ARHGAP22: variants seen among roughly 807,000 people sequenced by gnomAD.
ARHGAP22 encodes the protein Rho GTPase activating protein 22.
ARHGAP22 carries 48 observed loss-of-function variants against 59.1 expected under a neutral mutation model. The ratio of observed to expected loss-of-function variants is 0.81; its 90% CI spans 0.64 to 1.03. The LOEUF is 1.03. Among genes scored for constraint, ARHGAP22 ranks in the 50% least tolerant of loss-of-function variants. The probability of loss-of-function intolerance (pLI) is 0.00; values close to 1 mark genes in which losing one functional copy is unlikely to be tolerated. For missense variants in ARHGAP22, 1,015 were observed against 958.7 expected, an observed-to-expected ratio of 1.06 and a Z score of -0.78; for synonymous variants, 445 against 416.4, an observed-to-expected ratio of 1.07 and a Z score of -0.84.
chr10:48,596,842 G>A (rs1405463323), intron 1 of ARHGAP22, among the ~76,000 whole-genome samples: 2 of 152,176 alleles, frequency 1.3e-5, no homozygotes, highest in Non-Finnish European at 2.9e-5. Flanking sequence ...TGATGTGGCT[G>A]TGATGTGGAG....
At chr10:48,478,518 C>G (rs1470147037) in intron 4 of ARHGAP22, among the ~76,000 whole-genome samples, 1 of 152,156 alleles carries the variant, frequency 6.6e-6, no homozygotes, top group Non-Finnish European at 1.5e-5. Context: ...AGTCCCTGCC[C>G]AGACTGTGTG....
intron 1 of ARHGAP22, among the ~76,000 whole-genome samples, chr10:48,642,352 A>C (rs1003213455): frequency 3.3e-5 from 5 of 152,250 alleles, no homozygotes; most frequent in Non-Finnish European, 2.9e-5. Flanking sequence ...ACAAGGCTAC[A>C]GTAACCAAAA....
At chr10:48,627,493 A>T (rs1169492328) in intron 1 of ARHGAP22, among the ~76,000 whole-genome samples, 4 of 152,194 alleles carry the variant, frequency 2.6e-5, no homozygotes, top group African/African-American at 9.6e-5. Flanking sequence ...GTGTCCAAGG[A>T]TGTCTGTACT....
At chr10:48,584,555 A>T (rs1468665330) in intron 1 of ARHGAP22, among the ~76,000 whole-genome samples, 1 of 152,078 alleles carries the variant, frequency 6.6e-6, no homozygotes, top group Non-Finnish European at 1.5e-5. Context: ...ACTGGAGGAG[A>T]TGATGTCTTA....
chr10:48,612,063 C>T (rs188314417), intron 1 of ARHGAP22, among the ~76,000 whole-genome samples: 18 of 151,342 alleles, frequency 1.2e-4, no homozygotes, highest in Admixed American at 2.0e-4. Flanking sequence ...CCTCATGATC[C>T]GCCTGCCTTG....
chr10:48,450,763 A>G lies in ARHGAP22; in HGVS notation c.1366T>C (p.Ser456Pro). ...GSSLEVPIIS[S>P]GGNWLMNGLS... is the part of the protein sequence containing the mutation. ...CCGTTCATAAGCCAGTTCCCGCCGG[A>G]GGAGATGATGGGCACCTCCAGGGAT... The change falls in exon 9 of 10, where the codon TCC becomes CCC. Residue 456 changes from serine to proline, a missense_variant. Ser to Pro is a moderately conservative substitution (Grantham distance 74). Transcript: ENST00000249601. 1 of 1,563,988 alleles carries G rather than the reference A, an allele frequency of 6.4e-7. No homozygotes were observed. The highest frequency in any genetic ancestry group is 8.7e-7 in the Non-Finnish European group (1 of 1,154,414).
At chr10:48,491,158 T>C (rs2050351935) in intron 3 of ARHGAP22, among the ~76,000 whole-genome samples, 1 of 152,166 alleles carries the variant, frequency 6.6e-6, no homozygotes. Context: ...AGGCCCCTCT[T>C]GGCAAAGGCC....
chr10:48,477,896 C>T (rs182889224), intron 4 of ARHGAP22, among the ~76,000 whole-genome samples: 128 of 152,304 alleles, frequency 8.4e-4, no homozygotes, highest in East Asian at 1.9e-3. Context: ...GTGTTGCAAA[C>T]GCCTTCACCC....
chr10:48,435,167 A>T, the ARHGAP22 span: 7 of 599,232 alleles, frequency 1.2e-5, no homozygotes, highest in Non-Finnish European at 1.8e-5. Context: ...AAAGTAGTTT[A>T]TTTTTTTTAA....
At chr10:48,434,815 A>T in the ARHGAP22 span, 3 of 1,364,738 alleles carry the variant, frequency 2.2e-6, no homozygotes, top group African/African-American at 4.4e-5. Flanking sequence ...GGAGGCAGTC[A>T]GTGCAGTGCA....
chr10:48,569,386 C>A (rs900382091), intron 2 of ARHGAP22, among the ~76,000 whole-genome samples: 21 of 152,222 alleles, frequency 1.4e-4, no homozygotes, highest in African/African-American at 4.8e-4. Flanking sequence ...CCCTTCCAAA[C>A]CACCTCCATT....
intron 3 of ARHGAP22, among the ~76,000 whole-genome samples, chr10:48,537,672 G>T (rs4838418): frequency 6.6e-5 from 10 of 152,216 alleles, no homozygotes; most frequent in South Asian, 6.2e-4. Flanking sequence ...GCGCACACAG[G>T]GGGGAAGCAG....
intron 1 of ARHGAP22, among the ~76,000 whole-genome samples, chr10:48,603,404 T>G (rs531907389): frequency 6.6e-6 from 1 of 152,372 alleles, no homozygotes; most frequent in East Asian, 1.9e-4. Context: ...AATAATAGAT[T>G]TTATTTAACC....
intron 9 of ARHGAP22, among the ~76,000 whole-genome samples, chr10:48,448,687 C>T (rs964940559): frequency 6.6e-6 from 1 of 151,482 alleles, no homozygotes; most frequent in African/African-American, 2.4e-5. Flanking sequence ...ATGCCCTCAC[C>T]TTCCTTCCTG....
intron 1 of ARHGAP22, among the ~76,000 whole-genome samples, chr10:48,587,777 T>G (rs1308991034): frequency 6.6e-6 from 1 of 152,210 alleles, no homozygotes; most frequent in African/African-American, 2.4e-5. Flanking sequence ...TGAAGCTGGT[T>G]CATTAAATGC....
chr10:48,459,016 T>A (rs529085533), intron 5 of ARHGAP22, among the ~76,000 whole-genome samples: 12 of 152,262 alleles, frequency 7.9e-5, no homozygotes, highest in Admixed American at 2.6e-4. Flanking sequence ...AGACAGGGCA[T>A]AAGCCCCATG....
chr10:48,649,680 G>A (rs2062469407), intron 1 of ARHGAP22, among the ~76,000 whole-genome samples: 1 of 152,148 alleles, frequency 6.6e-6, no homozygotes, highest in African/African-American at 2.4e-5. Flanking sequence ...AGTCCTGCTG[G>A]CAGGAGAGTT....
At chr10:48,625,634 T>C (rs976848660) in intron 1 of ARHGAP22, among the ~76,000 whole-genome samples, 82 of 151,524 alleles carry the variant, frequency 5.4e-4, no homozygotes, top group African/African-American at 1.9e-3. Context: ...TAGCAGGAGC[T>C]AGACCAGACC....
intron 1 of ARHGAP22, among the ~76,000 whole-genome samples, chr10:48,628,549 T>C (rs941038219): frequency 3.9e-5 from 6 of 152,158 alleles, no homozygotes; most frequent in African/African-American, 1.2e-4. Flanking sequence ...GCCTGTTCTG[T>C]TGGCTCTACC....
Sources: allele counts gnomAD v4.1 joint callset (sites outside exome capture counted in the v4.1 genomes callset), GRCh38; gene constraint gnomAD v4.1.1; transcripts MANE v1.5; gene names NCBI Gene and HGNC (gene_info 2026-07-23, HGNC 2026-07-21).